Variants in ACOXL observed in about 807,000 individuals in gnomAD.
ACOXL encodes the protein acyl-CoA oxidase like, also known as acyl-coenzyme A oxidase-like protein.
Under a neutral mutation model 71.9 loss-of-function variants are expected in ACOXL, and 70 were observed. That is an observed-to-expected ratio of 0.97 (90% CI 0.80 to 1.19). The LOEUF (loss-of-function observed/expected upper bound fraction) is 1.19, where lower values mean the gene tolerates loss of function less well. ACOXL is among the 50% of genes most tolerant of loss of function. The pLI is 0.00. For missense variants in ACOXL, 703 were observed against 736.3 expected (o/e 0.95, Z 0.52); for synonymous variants, 253 against 281.6 (o/e 0.90, Z 1.02).
chr2:111,009,326 C>T (rs537027151), intron 14 of ACOXL, among the ~76,000 whole-genome samples: 1 of 151,910 alleles, frequency 6.6e-6, no homozygotes, highest in Non-Finnish European at 1.5e-5. Flanking sequence ...CCAGCCTGGC[C>T]AACATGGTGA....
chr2:110,948,058 C>T (rs2061175427), intron 12 of ACOXL, among the ~76,000 whole-genome samples: 1 of 152,232 alleles, frequency 6.6e-6, no homozygotes, highest in Admixed American at 6.5e-5. Context: ...CCCCCAGCTG[C>T]CCTGTTTCTC....
At chr2:110,850,717 T>C (rs543470598) in intron 10 of ACOXL, among the ~76,000 whole-genome samples, 127 of 152,270 alleles carry the variant, frequency 8.3e-4, no homozygotes, top group African/African-American at 2.9e-3. Context: ...ACATTGCTGG[T>C]GGAAGGCGAA....
chr2:110,844,550 CT>C (rs72290322), intron 10 of ACOXL, among the ~76,000 whole-genome samples: 31,782 of 133,128 alleles, frequency 0.24, 3,133 homozygotes, highest in East Asian at 0.28. Flanking sequence ...CTTTTCTTTT[CT>C]TTTTTTTTTT....
intron 16 of ACOXL, among the ~76,000 whole-genome samples, chr2:111,069,526 CT>C (rs890633428): frequency 2.5e-4 from 38 of 152,150 alleles, no homozygotes; most frequent in African/African-American, 9.2e-4. Flanking sequence ...ACTTAATTAT[CT>C]CTTTAAAAAT....
chr2:110,909,876 C>A (rs2059589613), intron 11 of ACOXL, among the ~76,000 whole-genome samples: 1 of 151,740 alleles, frequency 6.6e-6, no homozygotes, highest in African/African-American at 2.4e-5. Context: ...CTGAACCCTG[C>A]AGGCTGAGCT....
At chr2:111,027,558 G>T (rs890159841) in intron 14 of ACOXL, among the ~76,000 whole-genome samples, 9 of 151,868 alleles carry the variant, frequency 5.9e-5, no homozygotes, top group African/African-American at 2.2e-4. Context: ...CTGACCTCGT[G>T]ATCTGCCCAC....
At chr2:110,834,569 TG>T (rs1690224935) in intron 9 of ACOXL, among the ~76,000 whole-genome samples, 1 of 152,386 alleles carries the variant, frequency 6.6e-6, no homozygotes, top group South Asian at 2.1e-4. Context: ...TAAGCAGCTC[TG>T]TCCTGCCATA....
chr2:110,932,693 C>T (rs1213326323), intron 11 of ACOXL, among the ~76,000 whole-genome samples: 1 of 152,168 alleles, frequency 6.6e-6, no homozygotes, highest in Non-Finnish European at 1.5e-5. Flanking sequence ...GAACCTGATC[C>T]TATGTGTGTA....
At chr2:110,943,040 G>GAA (rs1558764953) in intron 12 of ACOXL, among the ~76,000 whole-genome samples, 5 of 133,268 alleles carry the variant, frequency 3.8e-5, no homozygotes, top group South Asian at 5.1e-4. Flanking sequence ...AGGAAGGAAA[G>GAA]AAGGAAGGAA....
At chr2:111,040,224 C>T (rs3789076) in intron 15 of ACOXL, among the ~76,000 whole-genome samples, 16,602 of 152,228 alleles carry the variant, frequency 0.11, 1,023 homozygotes, top group East Asian at 0.23. Flanking sequence ...GCAAGAATCA[C>T]ACAGACCATG....
In ACOXL at chr2:110,997,780, C is replaced by T. The variant is rs143133551; in HGVS notation, c.1281+1776C>T. Among the ~76,000 whole-genome samples, 1,336 of 152,248 alleles carry T rather than the reference C, an allele frequency of 8.8e-3. 28 individuals carry two copies. Among genetic ancestry groups the T allele is most frequent in the African/African-American group, 0.03 (1,243 of 41,534 alleles). On this transcript the variant is annotated intron_variant, in intron 14 of 17. Coordinates refer to ENST00000439055, the MANE Select transcript of ACOXL (RefSeq NM_001142807.4). ...AAAAACAGTCACGAAATTGGCTGGG[C>T]GTGGTGGCTCATGCCTGCAATTCCA...
chr2:110,850,858 C>T (rs569681984), intron 10 of ACOXL, among the ~76,000 whole-genome samples: 7 of 152,300 alleles, frequency 4.6e-5, no homozygotes, highest in African/African-American at 9.6e-5. Context: ...CACACCAAGA[C>T]GTGTATGCAT....
intron 16 of ACOXL, among the ~76,000 whole-genome samples, chr2:111,055,711 T>C (rs566300602): frequency 6.6e-6 from 1 of 152,370 alleles, no homozygotes; most frequent in South Asian, 2.1e-4. Flanking sequence ...AAGGGGATTC[T>C]TTTCTGGGGT....
At chr2:111,074,231 T>C (rs2067486667) in intron 16 of ACOXL, among the ~76,000 whole-genome samples, 1 of 152,110 alleles carries the variant, frequency 6.6e-6, no homozygotes, top group African/African-American at 2.4e-5. Context: ...TTGTTTCCTT[T>C]CCAATTTCCA....
At chr2:111,079,823 C>CTT (rs11334781) in intron 16 of ACOXL, among the ~76,000 whole-genome samples, 11 of 139,808 alleles carry the variant, frequency 7.9e-5, no homozygotes, top group African/African-American at 2.4e-4. Context: ...TAAGAGTCAC[C>CTT]TTTTTTTTTT....
intron 14 of ACOXL, among the ~76,000 whole-genome samples, chr2:110,999,043 G>T (rs1239718329): frequency 6.6e-6 from 1 of 152,190 alleles, no homozygotes; most frequent in African/African-American, 2.4e-5. Flanking sequence ...TGTTATATTA[G>T]TTAGTTGGGG....
chr2:111,013,648 G>A (rs1361332487), intron 14 of ACOXL, among the ~76,000 whole-genome samples: 7 of 149,404 alleles, frequency 4.7e-5, no homozygotes, highest in Admixed American at 4.0e-4. Context: ...TAACAACAAC[G>A]TTTCAGTCAA....
At chr2:111,089,623 G>A (rs938080909) in intron 16 of ACOXL, among the ~76,000 whole-genome samples, 2 of 152,284 alleles carry the variant, frequency 1.3e-5, no homozygotes, top group Non-Finnish European at 2.9e-5. Context: ...CATTCCCTTA[G>A]GGATGTATAT....
At position 110,760,040 on chromosome 2, in the gene ACOXL, T is replaced by C. The variant is rs74560014; in HGVS notation, c.-22-8328T>C. On this transcript the variant is annotated intron_variant, in intron 1 of 17. Transcript: ENST00000439055. ...GTATAAAAGCTATTGATTTCTTTTA[T>C]TGTGTATCCTGCTAACTCTTATTTT... Among the ~76,000 whole-genome samples the C allele has an allele frequency of 1.2e-3, 181 of 152,260 alleles. 2 individuals carry two copies. The highest frequency in any genetic ancestry group is 3.8e-3 in the African/African-American group (157 of 41,590).
Sources: gnomAD v4.1 joint callset for allele counts (sites outside exome capture counted in the v4.1 genomes callset) on GRCh38, gnomAD v4.1.1 for gene constraint, MANE v1.5 for transcripts, NCBI Gene and HGNC (gene_info 2026-07-23, HGNC 2026-07-21) for gene names.